The following BRMS1L variants were observed in gnomAD, a reference collection of about 807,000 sequenced individuals.
BRMS1L encodes the protein BRMS1 like transcriptional repressor.
A neutral mutation model predicts 50.3 loss-of-function variants in BRMS1L; 23 were observed. That is an observed-to-expected ratio of 0.46 (90% CI 0.33 to 0.65). The LOEUF (loss-of-function observed/expected upper bound fraction) is 0.65. Ranked by LOEUF, BRMS1L falls within the 30% of genes least tolerant of loss-of-function variation. The pLI, the probability that BRMS1L is intolerant of heterozygous loss-of-function variation, is 0.02. For missense variants in BRMS1L, 286 were observed against 386.1 expected (o/e 0.74, Z 2.17); for synonymous variants, 114 against 126.9 (o/e 0.90, Z 0.69).
At chr14:35,867,808 T>A (rs2078440863) in intron 8 of BRMS1L, 98 bp from the exon 9 acceptor site, 1 of 1,187,734 alleles carries the variant, frequency 8.4e-7, no homozygotes, top group African/African-American at 1.6e-5. Flanking sequence ...AGGCCTTTTT[T>A]ACATATGCAT....
At chr14:35,842,805 C>T (rs1242214068) in intron 4 of BRMS1L, among the ~76,000 whole-genome samples, 3 of 152,328 alleles carry the variant, frequency 2.0e-5, no homozygotes, top group East Asian at 1.9e-4. Context: ...CTGTCACTTT[C>T]AGGTATGCCA....
intron 4 of BRMS1L, among the ~76,000 whole-genome samples, chr14:35,843,559 C>A (rs879320354): frequency 6.6e-6 from 1 of 152,176 alleles, no homozygotes; most frequent in Non-Finnish European, 1.5e-5. Context: ...CTGGAAGCTT[C>A]GTCCCAGAGG....
chr14:35,864,881 A>T lies in BRMS1L; in HGVS notation c.623-54A>T, dbSNP rs1346086883. The T allele has an allele frequency of 1.2e-5, 14 of 1,207,956 alleles. No homozygotes were observed. The African/African-American group carries it at 2.2e-4, about 19-fold the overall frequency. 74.8% of individuals were successfully genotyped at this position (1,207,956 alleles called of 1,614,324 possible). A position where few individuals can be genotyped will look rare whatever the true frequency, so the allele number is the denominator to read the frequency against. On this transcript the variant is annotated intron_variant, in intron 6 of 9. Transcript: ENST00000216807. ...ATTTTCTGAAATGTAGTACTTTGGA[A>T]ATATAATTCAAAGTGTGATATTCTT...
At chr14:35,828,746 G>C (rs1429244435) in intron 1 of BRMS1L, among the ~76,000 whole-genome samples, 1 of 152,024 alleles carries the variant, frequency 6.6e-6, no homozygotes, top group Non-Finnish European at 1.5e-5. Context: ...GTGAGCCACC[G>C]TGCCTGGCCG....
chr14:35,835,008 A>G (rs2077972455), intron 4 of BRMS1L, 85 bp downstream of exon 4: 1 of 888,988 alleles, frequency 1.1e-6, no homozygotes, highest in Non-Finnish European at 1.6e-6. Flanking sequence ...TAAACTAAGT[A>G]AAACAATATT....
intron 9 of BRMS1L, among the ~76,000 whole-genome samples, chr14:35,868,311 T>C (rs2142066337): frequency 6.6e-6 from 1 of 152,338 alleles, no homozygotes. Flanking sequence ...TTTTAGTAGG[T>C]GAATCGTTAG....
rs1440757380 is a variant in BRMS1L, at chr14:35,833,049, A to T, written c.305A>T (p.Tyr102Phe). 1.2e-6 allele frequency: 2 copies of T among 1,613,456 alleles called. No homozygotes were observed. Among genetic ancestry groups the T allele is most frequent in the Non-Finnish European group, 1.7e-6 (2 of 1,179,676 alleles). ...GTCATAGCTGGAAAAGCACCAGAAT[A>T]CTTGGAACCGCTGGCAACTTTACAG... ...QEVIAGKAPE[Y>F]LEPLATLQEN... Residue 102 changes from tyrosine (Y) to phenylalanine (F), a missense_variant, in exon 3 of 10, where the codon TAC becomes TTC. Tyr to Phe is a conservative substitution (Grantham distance 22). This residue lies in a region of BRMS1L where 160 missense variants were observed against 240.6 expected (regional missense o/e 0.66). Transcript: ENST00000216807.
Position 35,865,684 on chromosome 14 carries a change from G to A in BRMS1L, c.688-38G>A, listed in dbSNP as rs76185307. 4.8e-3 allele frequency: 7,246 copies of A among 1,507,602 alleles called. 231 individuals are homozygous for A. In the African/African-American group the frequency reaches 0.077, roughly 16 times the overall value. 93.4% of individuals were successfully genotyped at this position (1,507,602 alleles called of 1,614,324 possible). A position where few individuals can be genotyped will look rare whatever the true frequency, so the allele number is the denominator to read the frequency against. ...AAAATATATTTTCAGTCTGAACTCA[G>A]ACTTCTTTCTTCCTCTTTTTTTTTT... is the stretch of plus-strand genomic sequence containing the variant. On this transcript the variant is annotated intron_variant, in intron 7 of 9. Coordinates refer to ENST00000216807, the MANE Select transcript of BRMS1L (RefSeq NM_032352.4).
intron 5 of BRMS1L, among the ~76,000 whole-genome samples, chr14:35,863,605 A>G (rs1302657879): frequency 6.6e-6 from 1 of 152,208 alleles, no homozygotes; most frequent in Admixed American, 6.5e-5. Flanking sequence ...TGCATGTAAT[A>G]TACATTTTAC....
At chr14:35,844,194 A>G (rs1161928386) in intron 4 of BRMS1L, among the ~76,000 whole-genome samples, 1 of 152,048 alleles carries the variant, frequency 6.6e-6, no homozygotes, top group Non-Finnish European at 1.5e-5. Context: ...AGGGAAGTAA[A>G]TGGTTCTTTC....
At chr14:35,837,265 A>AT (rs1166503292) in intron 4 of BRMS1L, among the ~76,000 whole-genome samples, 1 of 152,142 alleles carries the variant, frequency 6.6e-6, no homozygotes, top group Non-Finnish European at 1.5e-5. Context: ...CAAAAAAAAA[A>AT]AGAAAAAGTA....
intron 4 of BRMS1L, among the ~76,000 whole-genome samples, chr14:35,852,217 T>G (rs1459524841): frequency 1.3e-5 from 2 of 152,210 alleles, no homozygotes; most frequent in African/African-American, 4.8e-5. Flanking sequence ...CTGGTATTAT[T>G]TTTTGATGAG....
chr14:35,867,333 A>C (rs546658041), intron 8 of BRMS1L, among the ~76,000 whole-genome samples: 2 of 152,322 alleles, frequency 1.3e-5, no homozygotes, highest in South Asian at 4.1e-4. Flanking sequence ...TCAGGAGCTG[A>C]CATTTGAATG....
In BRMS1L at chr14:35,870,523, A is replaced by G; in HGVS notation, c.*46A>G. 8.5e-7 allele frequency: 1 copy of G among 1,180,820 alleles called. No individual in the cohort carries two copies. The highest frequency in any genetic ancestry group is 1.2e-6 in the Non-Finnish European group (1 of 807,598). The allele number at this position is 1,180,820 out of a possible 1,614,324, so 73.1% of individuals were successfully genotyped here. On this transcript the variant is annotated 3_prime_UTR_variant, in exon 10 of 10. Transcript: ENST00000216807. ...AAATTTACCTTATTAGTGTTACCAA[A>G]TGTAAGTGCCATGAGAGTAAAAAAA...
intron 4 of BRMS1L, among the ~76,000 whole-genome samples, chr14:35,854,771 C>A (rs1020418098): frequency 1.4e-4 from 21 of 152,308 alleles, no homozygotes; most frequent in Middle Eastern, 3.4e-3. Flanking sequence ...GGTAGGAATT[C>A]TGTGAGCACT....
chr14:35,859,496 T>C (rs1159287294), intron 4 of BRMS1L, among the ~76,000 whole-genome samples: 1 of 152,220 alleles, frequency 6.6e-6, no homozygotes, highest in Non-Finnish European at 1.5e-5. Flanking sequence ...TGATCCTTTG[T>C]ACATGACCTG....
At chr14:35,826,713 G>A in intron 1 of BRMS1L, 55 bp downstream of exon 1, 2 of 1,592,862 alleles carry the variant, frequency 1.3e-6, no homozygotes, top group South Asian at 1.1e-5. Context: ...GCGACAGGCC[G>A]CTCTCCGCAC....
intron 8 of BRMS1L, among the ~76,000 whole-genome samples, chr14:35,867,528 G>T (rs2078437077): frequency 6.6e-6 from 1 of 152,090 alleles, no homozygotes; most frequent in South Asian, 2.1e-4. Context: ...GCTTCTTTCG[G>T]TATATCAGAT....
In BRMS1L at chr14:35,838,785, G is replaced by A. The variant is rs1272737260; in HGVS notation, c.441+3862G>A. Among the ~76,000 whole-genome samples, 13 of 152,096 alleles carry A rather than the reference G, an allele frequency of 8.5e-5. 1 individual carries two copies. Among genetic ancestry groups the A allele is most frequent in the Non-Finnish European group, 1.8e-4 (12 of 68,012 alleles). ...CTGGATATTAGCCCTTTGTCAGATG[G>A]ATAGATTGCAAAAATTTTCTCCCAT... On this transcript the variant is annotated intron_variant, in intron 4 of 9. Coordinates refer to ENST00000216807, the MANE Select transcript of BRMS1L (RefSeq NM_032352.4).
Sources: allele counts gnomAD v4.1 joint callset (sites outside exome capture counted in the v4.1 genomes callset), GRCh38; gene constraint gnomAD v4.1.1; regional missense constraint gnomAD v4.1.1; transcripts MANE v1.5; gene names NCBI Gene and HGNC (gene_info 2026-07-23, HGNC 2026-07-21).